ATG7: variants seen among roughly 807,000 people sequenced by gnomAD.
The protein encoded by ATG7 is autophagy related 7.
A neutral mutation model predicts 82.4 loss-of-function variants in ATG7; 70 were observed. The ratio of observed to expected loss-of-function variants is 0.85; its 90% CI spans 0.70 to 1.04. The LOEUF (loss-of-function observed/expected upper bound fraction) is 1.04. ATG7 is among the 50% of genes least tolerant of loss of function. ATG7 has a pLI of 0.00. For synonymous variants in ATG7, 287 were observed against 313.0 expected (o/e 0.92, Z 0.88); for missense variants, 792 against 864.3 (o/e 0.92, Z 1.05).
chr3:11,370,691 A>G (rs1215146012), intron 18 of ATG7, among the ~76,000 whole-genome samples: 1 of 151,108 alleles, frequency 6.6e-6, no homozygotes. Flanking sequence ...TACTCAGCTT[A>G]GGTGAAAACA....
intron 11 of ATG7, among the ~76,000 whole-genome samples, chr3:11,337,488 CTATATATA>C (rs542151066): frequency 7.1e-6 from 1 of 141,130 alleles, no homozygotes; most frequent in African/African-American, 3.0e-5. Flanking sequence ...CTCTCTCTCT[CTATATATA>C]TATATATAAT....
rs539432514 is a variant in ATG7, at chr3:11,471,784, G to A, written c.2079+44858G>A. Among the ~76,000 whole-genome samples, 3 of 121,412 alleles carry A rather than the reference G, an allele frequency of 2.5e-5. No individual in the cohort carries two copies. The South Asian group carries it at 8.4e-4, about 34-fold the overall frequency. The allele number at this position is 121,412 out of a possible 152,430, so 79.7% of individuals were successfully genotyped here. A position where few individuals can be genotyped will look rare whatever the true frequency, so the allele number is the denominator to read the frequency against. On this transcript the variant is annotated intron_variant, in intron 20 of 20. Transcript: ENST00000693202. ...TTTGAAATGTAGTCTCTATCGCCCA[G>A]GCTGGAGTGCAGTGGTACAGTCTCA...
chr3:11,418,936 C>A (rs994530962), intron 19 of ATG7, among the ~76,000 whole-genome samples: 1 of 152,070 alleles, frequency 6.6e-6, no homozygotes, highest in Admixed American at 6.6e-5. Context: ...TGAGAACTCG[C>A]TATCGCAAGA....
At chr3:11,457,905 C>G (rs1004854943) in intron 20 of ATG7, among the ~76,000 whole-genome samples, 7 of 152,132 alleles carry the variant, frequency 4.6e-5, no homozygotes, top group African/African-American at 1.4e-4. Flanking sequence ...AGGACCGGAC[C>G]TAGTGCATTG....
chr3:11,391,777 T>C (rs1391195580), intron 19 of ATG7, among the ~76,000 whole-genome samples: 1 of 152,174 alleles, frequency 6.6e-6, no homozygotes, highest in African/African-American at 2.4e-5. Flanking sequence ...CCCTTTCCAG[T>C]GTCTTATGAA....
chr3:11,398,154 C>T (rs775619017), intron 19 of ATG7, among the ~76,000 whole-genome samples: 4 of 151,274 alleles, frequency 2.6e-5, no homozygotes, highest in Non-Finnish European at 5.9e-5. Context: ...CAAAAGAAAT[C>T]GGGAAGGGTT....
At chr3:11,515,854 A>C (rs1174792624) in intron 20 of ATG7, among the ~76,000 whole-genome samples, 1 of 152,136 alleles carries the variant, frequency 6.6e-6, no homozygotes. Context: ...AAACCACAAG[A>C]GAAGTTGAAA....
intron 19 of ATG7, among the ~76,000 whole-genome samples, chr3:11,400,358 G>A (rs1251914339): frequency 6.7e-6 from 1 of 150,108 alleles, no homozygotes; most frequent in African/African-American, 2.5e-5. Flanking sequence ...AGATAATAGG[G>A]GTAGGCCAAT....
intron 20 of ATG7, among the ~76,000 whole-genome samples, chr3:11,531,767 G>A (rs1435081831): frequency 6.6e-6 from 1 of 151,500 alleles, no homozygotes; most frequent in African/African-American, 2.4e-5. Flanking sequence ...GGGAGGCTGA[G>A]GTGGGAGGAT....
chr3:11,356,234 A>T (rs2075925423), intron 14 of ATG7, among the ~76,000 whole-genome samples: 2 of 152,238 alleles, frequency 1.3e-5, no homozygotes, highest in Admixed American at 6.5e-5. Flanking sequence ...TGCAGTGGTT[A>T]ATCTATCATT....
intron 20 of ATG7, among the ~76,000 whole-genome samples, chr3:11,464,694 C>T (rs761860479): frequency 3.9e-5 from 6 of 152,166 alleles, no homozygotes; most frequent in Admixed American, 6.5e-5. Flanking sequence ...AAAGTCATTG[C>T]GAGTAGCTAG....
chr3:11,436,208 C>T lies in ATG7; in HGVS notation c.2079+9282C>T, dbSNP rs141850052. Among the ~76,000 whole-genome samples the T allele has an allele frequency of 2.9e-3, 447 of 152,278 alleles. 4 individuals are homozygous for T. Among genetic ancestry groups the T allele is most frequent in the African/African-American group, 0.01 (427 of 41,538 alleles). ...AGATATACAGATAATCACATGATAGCATAATCAAATAAGATGCCCAACATC... is the reference window on the plus strand; with the variant it reads ...AGATATACAGATAATCACATGATAGTATAATCAAATAAGATGCCCAACATC... On this transcript the variant is annotated intron_variant, in intron 20 of 20. Transcript: ENST00000693202.
intron 19 of ATG7, among the ~76,000 whole-genome samples, chr3:11,422,769 T>G (rs13075592): frequency 0.47 from 48,307 of 102,058 alleles, 12,889 homozygotes; most frequent in East Asian, 0.63. Context: ...TTTTTTTTTT[T>G]GGAGACAGAG....
chr3:11,321,734 A>G (rs910941680), intron 9 of ATG7, among the ~76,000 whole-genome samples: 3 of 152,308 alleles, frequency 2.0e-5, no homozygotes, highest in Admixed American at 6.5e-5. Flanking sequence ...GTATAAGCAT[A>G]CAGTAACAAC....
chr3:11,312,671 G>T (rs1172207911), intron 7 of ATG7, among the ~76,000 whole-genome samples: 1 of 152,172 alleles, frequency 6.6e-6, no homozygotes, highest in Non-Finnish European at 1.5e-5. Flanking sequence ...GATAGTTGTT[G>T]ACTTAAATCC....
chr3:11,438,625 A>G (rs1008221771), intron 20 of ATG7, among the ~76,000 whole-genome samples: 1 of 152,162 alleles, frequency 6.6e-6, no homozygotes. Flanking sequence ...CTGTTGTCTC[A>G]GAATGGAATG....
At chr3:11,368,299 G>A (rs1289700503) in intron 18 of ATG7, among the ~76,000 whole-genome samples, 2 of 151,420 alleles carry the variant, frequency 1.3e-5, no homozygotes, top group Non-Finnish European at 2.9e-5. Flanking sequence ...CCTCCCGGCT[G>A]GTGGCTGAGC....
chr3:11,342,116 T>C lies in ATG7; in HGVS notation c.981-19T>C, dbSNP rs758114263. On this transcript the variant is annotated intron_variant, in intron 12 of 20. Transcript: ENST00000693202. ...TTGCATAAAGGAGTGACTGAATAAG[T>C]AAATCTCTCCTTTTCTAGGTTAGCT... is the stretch of plus-strand genomic sequence containing the variant. 6.9e-6 allele frequency: 11 copies of C among 1,603,234 alleles called. No homozygotes were observed. Among genetic ancestry groups the C allele is most frequent in the Non-Finnish European group, 9.4e-6 (11 of 1,176,032 alleles).
chr3:11,515,654 C>T (rs987063608), intron 20 of ATG7, among the ~76,000 whole-genome samples: 2 of 152,148 alleles, frequency 1.3e-5, no homozygotes, highest in East Asian at 3.9e-4. Flanking sequence ...GGCTGCACGG[C>T]CACATGTATA....
Sources: allele counts gnomAD v4.1 joint callset (sites outside exome capture counted in the v4.1 genomes callset), GRCh38; gene constraint gnomAD v4.1.1; transcripts MANE v1.5; gene names NCBI Gene and HGNC (gene_info 2026-07-23, HGNC 2026-07-21).